TTN: variants seen among roughly 807,000 people sequenced by gnomAD.
TTN encodes connectin.
TTN carries 1,525 observed loss-of-function variants against 3,223.0 expected under a neutral mutation model. The observed-to-expected ratio is 0.47, with a 90% CI of 0.45 to 0.49. TTN has a LOEUF of 0.49. Ranked by LOEUF, TTN falls within the 20% of genes least tolerant of loss-of-function variation. The probability of loss-of-function intolerance (pLI) is 0.00; values close to 1 mark genes in which losing one functional copy is unlikely to be tolerated. For synonymous variants in TTN, 14,094 were observed against 15,161.0 expected (o/e 0.93, Z 5.17); for missense variants, 40,786 against 43,424.0 (o/e 0.94, Z 5.40).
rs566982088 is a variant in TTN at position 178,560,086 on chromosome 2, C to T, written c.86046G>A (p.Pro28682=). 22 of 1,613,616 alleles carry T rather than the reference C, an allele frequency of 1.4e-5. No homozygotes were observed. In the South Asian group the frequency reaches 2.0e-4, roughly 14 times the overall value. The change falls in exon 326 of 363, where the codon CCG becomes CCA. Residue 28682 remains proline (P), a synonymous_variant. Coordinates refer to ENST00000589042, the MANE Select transcript of TTN (RefSeq NM_001267550.2). ...TGTATTCTACAGTATATCCAGTTAT[C>T]GGGGCCCCACCATCAAACAGCGGCT... is the stretch of plus-strand genomic sequence containing the variant. ...WVKPLFDGGA[P]ITGYTVEYKK...
intron 258 of TTN, 76 bp downstream of exon 258, chr2:178,615,565 C>A: frequency 6.2e-7 from 1 of 1,609,392 alleles, no homozygotes; most frequent in Non-Finnish European, 8.5e-7. Context: ...CTGCCTTGCC[C>A]CATAACTTCA....
rs1346927082 is a variant in TTN, at chr2:178,584,191, G to C, written c.65275+85C>G. On this transcript the variant is annotated intron_variant, in intron 311 of 362. Coordinates refer to ENST00000589042, the MANE Select transcript of TTN (RefSeq NM_001267550.2). ...AGATCTCTACTACTCTCTGTGTCTT[G>C]GAGTCCAAATCTTAGACTCCGAGAT... The C allele has an allele frequency of 5.6e-6, 8 of 1,436,974 alleles. No individual in the cohort carries two copies. In the Admixed American group the frequency reaches 1.6e-4, roughly 29 times the overall value. The allele number at this position is 1,436,974 out of a possible 1,614,324, so 89.0% of individuals were successfully genotyped here. A position where few individuals can be genotyped will look rare whatever the true frequency, so the allele number is the denominator to read the frequency against.
Position 178,679,689 on chromosome 2 carries a change from A to G in TTN, c.33581-7T>C. On this transcript the variant is annotated splice_region_variant and splice_polypyrimidine_tract_variant and intron_variant, in intron 140 of 362. Transcript: ENST00000589042. ...TTCCTGGGTACCTCAGGCACTTTAAAGATATTATTAAGAATGTTGGAAATT... is the reference window on the plus strand; with the variant it reads ...TTCCTGGGTACCTCAGGCACTTTAAGGATATTATTAAGAATGTTGGAAATT... 1 of 1,602,212 alleles carries G rather than the reference A, an allele frequency of 6.2e-7. No homozygotes were observed. Among genetic ancestry groups the G allele is most frequent in the Non-Finnish European group, 8.5e-7 (1 of 1,176,002 alleles).
Position 178,559,793 on chromosome 2 carries a change from C to T in TTN, c.86339G>A (p.Gly28780Glu). ...ASFTMTVPFRGRPVPNVLWSK... is the reference protein window; with the variant it reads ...ASFTMTVPFRERPVPNVLWSK... ...CCACAAGACATTGGGTACTGGTCTT[C>T]CTCGGAAAGGCACAGTCATGGTAAA... The change falls in exon 326 of 363, where the codon GGA (glycine) becomes GAA (glutamate). Residue 28780 changes from glycine to glutamate, a missense_variant. Transcript: ENST00000589042. The T allele has an allele frequency of 6.2e-7, 1 of 1,607,760 alleles. No homozygotes were observed. The highest frequency in any genetic ancestry group is 1.1e-5 in the South Asian group (1 of 90,328).
intron 243 of TTN, among the ~76,000 whole-genome samples, chr2:178,622,283 C>T (rs533429757): frequency 1.3e-5 from 2 of 152,032 alleles, no homozygotes; most frequent in East Asian, 3.9e-4. Flanking sequence ...AGACATTATG[C>T]AGACTAACTT....
intron 248 of TTN, 21 bp from the exon 249 acceptor site, chr2:178,620,133 T>C: frequency 6.2e-7 from 1 of 1,601,950 alleles, no homozygotes; most frequent in South Asian, 1.1e-5. Context: ...CATTGGATTA[T>C]CAGTTAGCTT....
At position 178,651,962 on chromosome 2, in the gene TTN, C is replaced by G. The variant is rs201035457; in HGVS notation, c.39301G>C (p.Glu13101Gln). The G allele has an allele frequency of 8.7e-6, 14 of 1,610,180 alleles. No individual in the cohort carries two copies. The highest frequency in any genetic ancestry group is 2.2e-5 in the East Asian group (1 of 44,586). ...KPESPPPEVF[E>Q]EPEEVALEEP... Reference sequence around the variant, plus strand: ...TCTAGGGCAACTTCCTCAGGCTCCTCGAACACTTTAAAGACATGAGCTCAT... The same window carrying G: ...TCTAGGGCAACTTCCTCAGGCTCCTGGAACACTTTAAAGACATGAGCTCAT... Residue 13101 changes from glutamate (E) to glutamine (Q), a missense_variant, in exon 205 of 363, where the codon GAG (glutamate) becomes CAG (glutamine). Transcript: ENST00000589042.
At chr2:178,637,461 C>T (rs1329589909) in intron 223 of TTN, 42 bp from the exon 224 acceptor site, 1 of 1,315,602 alleles carries the variant, frequency 7.6e-7, no homozygotes, top group Non-Finnish European at 1.0e-6. Context: ...ACTTTTCGGA[C>T]TTATTTCATG....
intron 213 of TTN, among the ~76,000 whole-genome samples, chr2:178,648,571 A>G (rs1340564918): frequency 6.6e-6 from 1 of 151,760 alleles, no homozygotes; most frequent in Admixed American, 6.6e-5. Flanking sequence ...CACCACCCCC[A>G]GCTAATTTTT....
At position 178,527,117 on chromosome 2, in the gene TTN, G is replaced by C; in HGVS notation, c.107871C>G (p.Ile35957Met). ...IENTDDLTTL[I>M]IMDVQKQDGG... ...CATCTTGTTTCTGTACGTCCATGAT[G>C]ATCAGGGTTGTCAGGTCATCTGTGT... Residue 35957 changes from isoleucine (I) to methionine (M), a missense_variant, in exon 363 of 363, where the codon ATC becomes ATG. Transcript: ENST00000589042. 6.2e-7 allele frequency: 1 copy of C among 1,613,928 alleles called. No individual in the cohort carries two copies. Among genetic ancestry groups the C allele is most frequent in the East Asian group, 2.2e-5 (1 of 44,874 alleles).
At position 178,801,988 on chromosome 2, in the gene TTN, T is replaced by C. The variant is rs571750281; in HGVS notation, c.295+150A>G. The C allele has an allele frequency of 5.8e-5, 55 of 949,176 alleles. No individual in the cohort carries two copies. In the East Asian group the frequency reaches 1.3e-3, roughly 23 times the overall value. The allele number at this position is 949,176 out of a possible 1,614,324, so 58.8% of individuals were successfully genotyped here. A position where few individuals can be genotyped will look rare whatever the true frequency, so the allele number is the denominator to read the frequency against. On this transcript the variant is annotated intron_variant, in intron 3 of 362. Coordinates refer to ENST00000589042, the MANE Select transcript of TTN (RefSeq NM_001267550.2). ...AATTAAATTCCAAAAGGCAAACAAC[T>C]TGGTTATAAATAATTCAGCCTCCAG... is the stretch of plus-strand genomic sequence containing the variant.
chr2:178,622,930 G>A (rs1234526151), intron 242 of TTN, among the ~76,000 whole-genome samples, 163 bp from the exon 243 acceptor site: 1 of 151,894 alleles, frequency 6.6e-6, no homozygotes, highest in Non-Finnish European at 1.5e-5. Flanking sequence ...CAGGTATGAT[G>A]CTTTGCTTTT....
Position 178,569,187 on chromosome 2 carries a change from C to T in TTN, c.76945G>A (p.Ala25649Thr). ...EKREATRKSY[A>T]AVVTNCHKNS... ...TTATGGCAGTTAGTTACAACAGCAGCATATGATTTTCTTGTGGCTTCACGT... is the reference window on the plus strand; with the variant it reads ...TTATGGCAGTTAGTTACAACAGCAGTATATGATTTTCTTGTGGCTTCACGT... The change falls in exon 326 of 363, where the codon GCT becomes ACT. Residue 25649 changes from alanine to threonine, a missense_variant. Coordinates refer to ENST00000589042, the MANE Select transcript of TTN (RefSeq NM_001267550.2). 2 of 1,610,982 alleles carry T rather than the reference C, an allele frequency of 1.2e-6. No individual in the cohort carries two copies. Among genetic ancestry groups the T allele is most frequent in the African/African-American group, 1.3e-5 (1 of 74,896 alleles).
chr2:178,740,368 G>C lies in TTN; in HGVS notation c.12865C>G (p.Pro4289Ala), dbSNP rs1296711894. 1.2e-6 allele frequency: 2 copies of C among 1,613,588 alleles called. No homozygotes were observed. The highest frequency in any genetic ancestry group is 1.7e-6 in the Non-Finnish European group (2 of 1,179,742). Residue 4289 changes from proline to alanine, a missense_variant, in exon 48 of 363, where the codon CCC becomes GCC. By Grantham distance (27) the Pro-to-Ala change is conservative. Transcript: ENST00000589042. ...CATGAGTGTTCTGAAGGGACTAGGG[G>C]CTCATAGTTTACCTGAGAGATCATG... ...DVMISQVNYE[P>A]LVPSEHSCTE...
chr2:178,628,091 G>A (rs2059297168), intron 240 of TTN, among the ~76,000 whole-genome samples: 3 of 152,012 alleles, frequency 2.0e-5, no homozygotes. Context: ...CACTGGAAAA[G>A]GAGACCAAGA....
chr2:178,650,940 G>A, intron 208 of TTN, 106 bp from the exon 209 acceptor site: 2 of 1,219,178 alleles, frequency 1.6e-6, no homozygotes, highest in Non-Finnish European at 2.3e-6. Flanking sequence ...ACAGATCCAA[G>A]AACAAATTTC....
chr2:178,702,475 TG>T lies in TTN; in HGVS notation c.30411del (p.His10137GlnfsTer3). ...TCACCTTCATCGTCTGGGGTCACATTGTGGATGGTCATATAATGGCAGCGGC... is the reference window on the plus strand; with the variant it reads ...TCACCTTCATCGTCTGGGGTCACATTTGGATGGTCATATAATGGCAGCGGC... ...NDGRCHYMTI[H>X]NVTPDDEGVY... On this transcript the variant is annotated frameshift_variant, in exon 107 of 363. Transcript: ENST00000589042. LOFTEE classifies it high-confidence loss of function. 6.2e-7 allele frequency: 1 copy of T among 1,613,920 alleles called. No individual in the cohort carries two copies. Among genetic ancestry groups the T allele is most frequent in the Non-Finnish European group, 8.5e-7 (1 of 1,179,882 alleles).
rs1396768636 is a variant in TTN, at chr2:178,589,906, C to G, written c.61819G>C (p.Glu20607Gln). Residue 20607 changes from glutamate (E) to glutamine (Q), a missense_variant, in exon 304 of 363, where the codon GAA (glutamate) becomes CAA (glutamine). Glu to Gln is a conservative substitution (Grantham distance 29). Coordinates refer to ENST00000589042, the MANE Select transcript of TTN (RefSeq NM_001267550.2). Reference sequence around the variant, plus strand: ...CCTTTCTGGTTTGGTTTGCGATATTCTACTATGAAGTTTGTTATTTCTGAG... The same window carrying G: ...CCTTTCTGGTTTGGTTTGCGATATTGTACTATGAAGTTTGTTATTTCTGAG... ...GGSEITNFIV[E>Q]YRKPNQKGWS... 6.2e-7 allele frequency: 1 copy of G among 1,613,290 alleles called. No individual in the cohort carries two copies. Among genetic ancestry groups the G allele is most frequent in the Non-Finnish European group, 8.5e-7 (1 of 1,179,554 alleles).
chr2:178,617,139 G>T lies in TTN; in HGVS notation c.47856C>A (p.Leu15952=), dbSNP rs1362019752. Residue 15952 remains leucine, a synonymous_variant, in exon 255 of 363, where the codon CTC becomes CTA. Transcript: ENST00000589042. ...ATTTACCAAATGCATCGTCAGCGGT[G>T]AGAGGACCAAGAATTTCAGATGGAT... ...VSDPSEILGP[L]TADDAFVEPT... is the part of the protein sequence containing the mutation. 1.9e-6 allele frequency: 3 copies of T among 1,609,052 alleles called. No individual in the cohort carries two copies. The highest frequency in any genetic ancestry group is 3.3e-4 in the Middle Eastern group (2 of 6,062).
Sources: gnomAD v4.1 joint callset for allele counts (sites outside exome capture counted in the v4.1 genomes callset) on GRCh38, gnomAD v4.1.1 for gene constraint, MANE v1.5 for transcripts, NCBI Gene and HGNC (gene_info 2026-07-23, HGNC 2026-07-21) for gene names.